EPHA6: variants seen among roughly 807,000 people sequenced by gnomAD.
The protein encoded by EPHA6 is ephrin type-A receptor 6.
EPHA6 carries 50 observed loss-of-function variants against 112.0 expected under a neutral mutation model. That is an observed-to-expected ratio of 0.45 (90% CI 0.36 to 0.56). The LOEUF is 0.56. Ranked by LOEUF, EPHA6 falls within the 20% of genes least tolerant of loss-of-function variation. EPHA6 has a pLI of 0.00. For synonymous variants in EPHA6, 529 were observed against 490.7 expected, an observed-to-expected ratio of 1.08 and a Z score of -1.03; for missense variants, 1,280 against 1,417.4, an observed-to-expected ratio of 0.90 and a Z score of 1.56.
At chr3:96,937,942 G>C (rs1000680490) in intron 2 of EPHA6, among the ~76,000 whole-genome samples, 33 of 152,136 alleles carry the variant, frequency 2.2e-4, no homozygotes, top group African/African-American at 8.0e-4. Flanking sequence ...ATTTCTGAGG[G>C]CTCTGTTCTG....
chr3:97,206,644 G>A (rs921976337), intron 3 of EPHA6, among the ~76,000 whole-genome samples: 2 of 151,914 alleles, frequency 1.3e-5, no homozygotes, highest in Non-Finnish European at 2.9e-5. Context: ...TGAAACTCCA[G>A]GTGTTTATTA....
intron 3 of EPHA6, among the ~76,000 whole-genome samples, chr3:97,060,671 G>A (rs1469529215): frequency 2.0e-5 from 3 of 152,034 alleles, no homozygotes; most frequent in Non-Finnish European, 4.4e-5. Context: ...CAGCACTTTG[G>A]GAGGCCGAGG....
Position 96,954,932 on chromosome 3 carries a change from G to A in EPHA6, c.451-32398G>A, listed in dbSNP as rs958504499. Among the ~76,000 whole-genome samples, 147 of 151,442 alleles carry A rather than the reference G, an allele frequency of 9.7e-4. 1 individual carries two copies. The highest frequency in any genetic ancestry group is 3.4e-3 in the African/African-American group (139 of 41,302). The stretch of plus-strand genomic sequence containing the variant: ...CCTCAGCCTCCCGAGTAGCTGGACT[G>A]GTGTGCCTTCTACATCTAGAATGCT... On this transcript the variant is annotated intron_variant, in intron 2 of 17. Transcript: ENST00000389672.
chr3:97,700,694 C>T (rs2033330966), intron 14 of EPHA6, among the ~76,000 whole-genome samples: 1 of 152,052 alleles, frequency 6.6e-6, no homozygotes, highest in Admixed American at 6.5e-5. Context: ...AGAAATACAC[C>T]ACACACACAT....
intron 14 of EPHA6, among the ~76,000 whole-genome samples, chr3:97,715,491 G>C (rs1212770613): frequency 6.6e-6 from 1 of 152,160 alleles, no homozygotes; most frequent in Admixed American, 6.5e-5. Flanking sequence ...TGAGAACAGA[G>C]CAAAAGTCTA....
At chr3:97,305,298 A>C (rs907406786) in intron 5 of EPHA6, among the ~76,000 whole-genome samples, 4 of 152,076 alleles carry the variant, frequency 2.6e-5, no homozygotes, top group Non-Finnish European at 5.9e-5. Flanking sequence ...AAATTAGTTC[A>C]ACTATTGTGG....
At chr3:97,221,357 T>C (rs2078193838) in intron 3 of EPHA6, among the ~76,000 whole-genome samples, 1 of 147,636 alleles carries the variant, frequency 6.8e-6, no homozygotes, top group Admixed American at 6.7e-5. Flanking sequence ...CGATGGTCTA[T>C]TCCCAAATAG....
At chr3:97,330,222 C>G (rs1350220468) in intron 5 of EPHA6, among the ~76,000 whole-genome samples, 1 of 152,056 alleles carries the variant, frequency 6.6e-6, no homozygotes, top group Non-Finnish European at 1.5e-5. Flanking sequence ...TTACTGTAGC[C>G]TTGTAGTAGA....
chr3:96,952,776 A>G (rs986405389), intron 2 of EPHA6, among the ~76,000 whole-genome samples: 9 of 152,162 alleles, frequency 5.9e-5, no homozygotes, highest in African/African-American at 2.2e-4. Context: ...CAAATACTGC[A>G]TGTTGTCACT....
At chr3:96,828,551 T>C (rs1447745198) in intron 1 of EPHA6, among the ~76,000 whole-genome samples, 1 of 152,162 alleles carries the variant, frequency 6.6e-6, no homozygotes, top group Non-Finnish European at 1.5e-5. Flanking sequence ...TTTGTTTTTA[T>C]GAGTGCTTAG....
chr3:97,506,153 A>C lies in EPHA6; in HGVS notation c.2200+22094A>C, dbSNP rs2092246939. Among the ~76,000 whole-genome samples the C allele has an allele frequency of 4.6e-5, 7 of 152,248 alleles. No individual in the cohort carries two copies. In the South Asian group the frequency reaches 1.5e-3, roughly 32 times the overall value. On this transcript the variant is annotated intron_variant, in intron 10 of 17. Coordinates refer to ENST00000389672, the MANE Select transcript of EPHA6 (RefSeq NM_001080448.3). ...TAGGTTGCCTGTTCACTCTGATGAT[A>C]GTTTCTTTGCTGTGCACACACTCTT...
chr3:97,410,858 A>G (rs1413033893), intron 6 of EPHA6, among the ~76,000 whole-genome samples: 1 of 152,084 alleles, frequency 6.6e-6, no homozygotes, highest in Non-Finnish European at 1.5e-5. Flanking sequence ...TGCTCTCAAC[A>G]TAGACGTGAA....
intron 10 of EPHA6, among the ~76,000 whole-genome samples, chr3:97,523,514 G>A (rs1387477765): frequency 2.0e-5 from 3 of 152,050 alleles, no homozygotes; most frequent in Admixed American, 6.6e-5. Flanking sequence ...TGGATGAAAT[G>A]TTCTGTATAT....
At chr3:96,953,447 A>G (rs2041632012) in intron 2 of EPHA6, among the ~76,000 whole-genome samples, 1 of 152,216 alleles carries the variant, frequency 6.6e-6, no homozygotes, top group South Asian at 2.1e-4. Context: ...CACAAATAGT[A>G]CATTGTAGCA....
At chr3:97,485,045 GT>G (rs1434190966) in intron 10 of EPHA6, among the ~76,000 whole-genome samples, 2 of 152,186 alleles carry the variant, frequency 1.3e-5, no homozygotes, top group East Asian at 3.8e-4. Flanking sequence ...CAGGGGGGCT[GT>G]TTTCCTAAAA....
intron 3 of EPHA6, among the ~76,000 whole-genome samples, chr3:97,104,934 G>A (rs530175395): frequency 6.6e-6 from 1 of 152,164 alleles, no homozygotes; most frequent in Non-Finnish European, 1.5e-5. Context: ...GTGCATAAAT[G>A]TGTTGGTAGT....
chr3:97,529,812 G>T (rs1350012445), intron 10 of EPHA6, among the ~76,000 whole-genome samples: 1 of 151,950 alleles, frequency 6.6e-6, no homozygotes, highest in African/African-American at 2.4e-5. Flanking sequence ...AAAACAGCTT[G>T]ATCATGCAAA....
At chr3:97,621,807 G>A (rs972281674) in intron 13 of EPHA6, among the ~76,000 whole-genome samples, 5 of 151,854 alleles carry the variant, frequency 3.3e-5, no homozygotes, top group Non-Finnish European at 7.4e-5. Flanking sequence ...AACATCTATA[G>A]GATTTAGCAA....
intron 2 of EPHA6, among the ~76,000 whole-genome samples, chr3:96,978,998 G>A (rs1002538329): frequency 3.9e-5 from 6 of 151,964 alleles, no homozygotes; most frequent in African/African-American, 1.2e-4. Context: ...GTTGAACATG[G>A]TTAATGCTTT....
Sources: allele counts gnomAD v4.1 joint callset (sites outside exome capture counted in the v4.1 genomes callset), GRCh38; gene constraint gnomAD v4.1.1; transcripts MANE v1.5; gene names NCBI Gene and HGNC (gene_info 2026-07-23, HGNC 2026-07-21).